Variants in NBAS observed in about 807,000 individuals in gnomAD.
NBAS encodes the protein NBAS subunit of NRZ tethering complex, also known as NAG/BC035112 fusion.
In NBAS, 219 loss-of-function variants were observed where a neutral mutation model predicts 302.5. That is an observed-to-expected ratio of 0.72 (90% confidence interval 0.65 to 0.81). The LOEUF (loss-of-function observed/expected upper bound fraction) is 0.81, where lower values mean the gene tolerates loss of function less well. Among genes scored for constraint, NBAS ranks in the 30% least tolerant of loss-of-function variants. NBAS has a pLI of 0.00. For synonymous variants in NBAS, 1,118 were observed against 1,021.6 expected, an observed-to-expected ratio of 1.09 and a Z score of -1.80; for missense variants, 2,932 against 2,841.6, an observed-to-expected ratio of 1.03 and a Z score of -0.72.
At chr2:15,433,635 A>T (rs1019559923) in intron 21 of NBAS, among the ~76,000 whole-genome samples, 3 of 152,228 alleles carry the variant, frequency 2.0e-5, no homozygotes, top group Non-Finnish European at 2.9e-5. Flanking sequence ...AGTAGAAAAA[A>T]GCAACCATTT....
chr2:15,408,533 A>G (rs1263027181), intron 25 of NBAS, among the ~76,000 whole-genome samples: 1 of 152,140 alleles, frequency 6.6e-6, no homozygotes, highest in Non-Finnish European at 1.5e-5. Context: ...TTCATGAAGT[A>G]CATCCTTGAA....
chr2:15,254,809 C>A (rs1456014524), intron 44 of NBAS, among the ~76,000 whole-genome samples: 1 of 152,198 alleles, frequency 6.6e-6, no homozygotes, highest in Non-Finnish European at 1.5e-5. Context: ...GTTTTCCACT[C>A]CTGAGTTACT....
At chr2:15,419,723 T>C (rs1461794518) in intron 23 of NBAS, among the ~76,000 whole-genome samples, 2 of 152,112 alleles carry the variant, frequency 1.3e-5, no homozygotes, top group East Asian at 3.9e-4. Flanking sequence ...TTTTTTCTTT[T>C]TTTTTTGAGA....
the NBAS span, among the ~76,000 whole-genome samples, chr2:14,947,615 G>T: frequency 6.6e-6 from 1 of 151,944 alleles, no homozygotes; most frequent in Non-Finnish European, 1.5e-5. Flanking sequence ...TTTTAATTTG[G>T]ATGCCCTTTA....
At chr2:14,809,675 G>C in the NBAS span, among the ~76,000 whole-genome samples, 1 of 152,184 alleles carries the variant, frequency 6.6e-6, no homozygotes, top group African/African-American at 2.4e-5. Context: ...CCCACACAGA[G>C]TTTCTACTTG....
intron 9 of NBAS, among the ~76,000 whole-genome samples, chr2:15,516,003 A>G (rs1210420371): frequency 6.6e-6 from 1 of 152,188 alleles, no homozygotes; most frequent in Non-Finnish European, 1.5e-5. Flanking sequence ...GGTCACGGCA[A>G]TGGAGGCAGG....
downstream of NBAS, among the ~76,000 whole-genome samples, chr2:15,166,500 A>T (rs1278589934): frequency 1.3e-5 from 2 of 152,196 alleles, no homozygotes; most frequent in Admixed American, 6.5e-5. Context: ...TGTGTATCTG[A>T]TAGAGCCTCA....
chr2:15,356,564 C>T (rs1185612613), intron 32 of NBAS, 148 bp from the exon 33 acceptor site: 1 of 678,772 alleles, frequency 1.5e-6, no homozygotes, highest in South Asian at 1.6e-5. Flanking sequence ...GTTGCTTTGA[C>T]CTTTCAATCC....
At chr2:15,362,462 C>T (rs1673981675) in intron 32 of NBAS, among the ~76,000 whole-genome samples, 2 of 152,034 alleles carry the variant, frequency 1.3e-5, no homozygotes, top group South Asian at 2.1e-4. Context: ...GAGATATGAT[C>T]ATCCCACTGC....
the NBAS span, among the ~76,000 whole-genome samples, chr2:14,922,021 T>G: frequency 6.6e-6 from 1 of 152,132 alleles, no homozygotes; most frequent in African/African-American, 2.4e-5. Context: ...CATCTGTGTG[T>G]TAAGAAATTG....
In NBAS at chr2:15,357,120, T is replaced by G. The variant is rs1308130074; in HGVS notation, c.3818-704A>C. On this transcript the variant is annotated intron_variant, in intron 32 of 51. Transcript: ENST00000281513. ...CCCTAGCCAGCCCTCAGGCAAGAAT[T>G]TGTACCCTGTTAGGTGGTTTAACCA... Among the ~76,000 whole-genome samples the G allele has an allele frequency of 2.6e-5, 4 of 152,276 alleles. No homozygotes were observed. The East Asian group carries it at 7.7e-4, about 29-fold the overall frequency.
chr2:15,069,001 C>G, the NBAS span, among the ~76,000 whole-genome samples: 1 of 152,092 alleles, frequency 6.6e-6, no homozygotes, highest in African/African-American at 2.4e-5. Context: ...CTTAGCATGT[C>G]CCTCTGATCT....
At chr2:15,399,594 G>A (rs958609404) in intron 26 of NBAS, among the ~76,000 whole-genome samples, 1 of 151,784 alleles carries the variant, frequency 6.6e-6, no homozygotes, top group East Asian at 1.9e-4. Context: ...AACAGATGCT[G>A]AGTCCACTCT....
chr2:15,299,272 A>G (rs1670689623), intron 40 of NBAS, among the ~76,000 whole-genome samples: 1 of 152,250 alleles, frequency 6.6e-6, no homozygotes, highest in African/African-American at 2.4e-5. Flanking sequence ...TTTCCCCTCA[A>G]AACTTGGCAA....
the NBAS span, among the ~76,000 whole-genome samples, chr2:14,941,472 C>G: frequency 2.0e-5 from 3 of 152,170 alleles, no homozygotes; most frequent in African/African-American, 7.2e-5. Context: ...GAAAGGAATC[C>G]TGGAAGCTTC....
intron 21 of NBAS, among the ~76,000 whole-genome samples, chr2:15,453,759 T>G (rs1679125960): frequency 6.6e-6 from 1 of 152,072 alleles, no homozygotes; most frequent in South Asian, 2.1e-4. Context: ...GCCAGGATAC[T>G]ATAGTAACAG....
the NBAS span, among the ~76,000 whole-genome samples, chr2:15,089,600 T>A: frequency 6.6e-6 from 1 of 151,716 alleles, no homozygotes; most frequent in Non-Finnish European, 1.5e-5. Flanking sequence ...AGTGACAGGG[T>A]GGGAGAGTGG....
the NBAS span, among the ~76,000 whole-genome samples, chr2:14,889,724 G>A: frequency 6.6e-6 from 1 of 152,182 alleles, no homozygotes; most frequent in Admixed American, 6.5e-5. Flanking sequence ...ATGGCTAGAT[G>A]TAGGAATTTG....
the NBAS span, among the ~76,000 whole-genome samples, chr2:15,063,435 T>C: frequency 6.6e-6 from 1 of 152,156 alleles, no homozygotes; most frequent in Non-Finnish European, 1.5e-5. Flanking sequence ...CCATCTAGCC[T>C]GTAAGCTCCT....
Sources: allele counts gnomAD v4.1 joint callset (sites outside exome capture counted in the v4.1 genomes callset), GRCh38; gene constraint gnomAD v4.1.1; transcripts MANE v1.5; gene names NCBI Gene and HGNC (gene_info 2026-07-23, HGNC 2026-07-21).